Variants in FAM184A observed in about 807,000 individuals in gnomAD.
FAM184A encodes the protein protein FAM184A.
In FAM184A, 99 loss-of-function variants were observed where a neutral mutation model predicts 143.8. That is an observed-to-expected ratio of 0.69 (90% CI 0.58 to 0.81). The LOEUF (loss-of-function observed/expected upper bound fraction) is 0.81, where lower values mean the gene tolerates loss of function less well. Among genes scored for constraint, FAM184A ranks in the 40% least tolerant of loss-of-function variants. The probability of loss-of-function intolerance (pLI) is 0.00; values close to 1 mark genes in which losing one functional copy is unlikely to be tolerated. For synonymous variants in FAM184A, 427 were observed against 446.4 expected (o/e 0.96, Z 0.55); for missense variants, 1,217 against 1,310.5 (o/e 0.93, Z 1.10).
chr6:119,050,782 G>A lies in FAM184A; in HGVS notation c.160-25969C>T, dbSNP rs1187002781. Among the ~76,000 whole-genome samples the A allele has an allele frequency of 5.0e-4, 76 of 151,682 alleles. 1 individual carries two copies. Among genetic ancestry groups the A allele is most frequent in the African/African-American group, 1.7e-3 (69 of 41,350 alleles). On this transcript the variant is annotated intron_variant, in intron 1 of 17. Coordinates refer to ENST00000338891, the MANE Select transcript of FAM184A (RefSeq NM_024581.6). ...ATTGCGCCACTGCAGTCCGCAGTCC[G>A]GCCTGGGCGACAGAGCGAGACTCCG...
At chr6:119,037,043 T>A (rs1217451418) in intron 1 of FAM184A, among the ~76,000 whole-genome samples, 1 of 152,212 alleles carries the variant, frequency 6.6e-6, no homozygotes, top group Non-Finnish European at 1.5e-5. Context: ...ACTGAGAGAA[T>A]GAGTGCCATG....
intron 1 of FAM184A, among the ~76,000 whole-genome samples, chr6:119,122,354 C>T (rs1247869967): frequency 2.6e-5 from 4 of 152,140 alleles, no homozygotes; most frequent in African/African-American, 9.7e-5. Flanking sequence ...AAAAAAAATA[C>T]AATTTATCAA....
rs111557824 is a variant in FAM184A at position 119,016,994 on chromosome 6, G to A, written c.1333-50C>T. 2.7e-5 allele frequency: 34 copies of A among 1,274,406 alleles called. 2 individuals are homozygous for A. The highest frequency in any genetic ancestry group is 2.4e-4 in the African/African-American group (16 of 67,250). 78.9% of individuals were successfully genotyped at this position (1,274,406 alleles called of 1,614,324 possible). On this transcript the variant is annotated intron_variant, in intron 4 of 17. Coordinates refer to ENST00000338891, the MANE Select transcript of FAM184A (RefSeq NM_024581.6). ...ATCGGCACCTGCTTTTTTCATTACT[G>A]TTATTAGGGTAATTTGAATACCCTA...
At chr6:119,026,514 C>T (rs1401969979) in intron 1 of FAM184A, among the ~76,000 whole-genome samples, 5 of 152,124 alleles carry the variant, frequency 3.3e-5, no homozygotes, top group Non-Finnish European at 5.9e-5. Flanking sequence ...ACGGACCCTC[C>T]TCTTAGCCAA....
At chr6:119,132,947 G>A (rs1789573650) in intron 1 of FAM184A, among the ~76,000 whole-genome samples, 1 of 152,230 alleles carries the variant, frequency 6.6e-6, no homozygotes, top group Non-Finnish European at 1.5e-5. Context: ...AATATCAGGG[G>A]ACAAAGAGTG....
At chr6:119,104,115 C>T (rs1788716342) in intron 1 of FAM184A, among the ~76,000 whole-genome samples, 1 of 152,002 alleles carries the variant, frequency 6.6e-6, no homozygotes, top group African/African-American at 2.4e-5. Context: ...GGGCTCACTG[C>T]AGCCTCAACC....
chr6:119,108,404 A>G (rs1788844444), intron 1 of FAM184A, among the ~76,000 whole-genome samples: 2 of 152,106 alleles, frequency 1.3e-5, no homozygotes, highest in South Asian at 4.2e-4. Context: ...TCCAGGCTCT[A>G]TTGAGGTCCT....
rs142077007 is a variant in FAM184A at position 119,115,315 on chromosome 6, C to T, written c.-202+33763G>A. Among the ~76,000 whole-genome samples the T allele has an allele frequency of 1.4e-4, 22 of 152,200 alleles. No individual in the cohort carries two copies. In the East Asian group the frequency reaches 2.9e-3, roughly 20 times the overall value. On this transcript the variant is annotated intron_variant, in intron 1 of 16. Transcript: ENST00000352896. The stretch of plus-strand genomic sequence containing the variant: ...AGAGGAAAGGGAAATAAATAAGATA[C>T]GGCTCATATGCCTAATAATTCTGTT...
At chr6:118,967,009 T>C in intron 14 of FAM184A, 57 bp from the exon 15 acceptor site, 1 of 793,354 alleles carries the variant, frequency 1.3e-6, no homozygotes, top group South Asian at 1.8e-5. Context: ...TCTTCTGTAA[T>C]ACCTACATTA....
intron 1 of FAM184A, among the ~76,000 whole-genome samples, chr6:119,113,172 AC>A (rs1391261023): frequency 6.6e-6 from 1 of 151,864 alleles, no homozygotes; most frequent in African/African-American, 2.4e-5. Context: ...TTTCCTGATC[AC>A]CATTATCAGA....
At chr6:119,032,732 A>G (rs1434873051) in intron 1 of FAM184A, among the ~76,000 whole-genome samples, 3 of 152,216 alleles carry the variant, frequency 2.0e-5, no homozygotes, top group Admixed American at 1.3e-4. Context: ...TAACCACTAC[A>G]TGAGGCAAAA....
chr6:119,037,736 G>A (rs146700083), intron 1 of FAM184A, among the ~76,000 whole-genome samples: 56 of 152,206 alleles, frequency 3.7e-4, no homozygotes, highest in African/African-American at 1.3e-3. Flanking sequence ...TTCTTTTTGC[G>A]TTTTATACTA....
intron 1 of FAM184A, among the ~76,000 whole-genome samples, chr6:119,030,970 G>A (rs1352140820): frequency 1.3e-5 from 2 of 151,998 alleles, no homozygotes; most frequent in East Asian, 1.9e-4. Context: ...ATTTAACTAC[G>A]TATTTAATGA....
chr6:118,979,749 A>T (rs1455934301), intron 10 of FAM184A, among the ~76,000 whole-genome samples: 4 of 152,158 alleles, frequency 2.6e-5, no homozygotes, highest in Admixed American at 2.6e-4. Context: ...TATTTTGTCT[A>T]TATATTGAAC....
At chr6:119,074,751 G>A (rs1383961907) in intron 1 of FAM184A, among the ~76,000 whole-genome samples, 1 of 152,228 alleles carries the variant, frequency 6.6e-6, no homozygotes, top group East Asian at 1.9e-4. Context: ...CCTATCTTGA[G>A]ATAGTTCAGC....
chr6:119,071,639 A>G (rs902239764), intron 1 of FAM184A, among the ~76,000 whole-genome samples: 2 of 152,158 alleles, frequency 1.3e-5, no homozygotes, highest in African/African-American at 4.8e-5. Flanking sequence ...ACATGGAAAA[A>G]CAATAACTCT....
At position 119,109,571 on chromosome 6, in the gene FAM184A, C is replaced by G. The variant is rs1788876743; in HGVS notation, c.-202+39507G>C. On this transcript the variant is annotated intron_variant, in intron 1 of 16. Coordinates refer to the FAM184A transcript ENST00000352896. ...ATGTATACAGAGCACCAAATGTTCTCACTAAAAAGATATGGATGAGGACAG... is the reference window on the plus strand; with the variant it reads ...ATGTATACAGAGCACCAAATGTTCTGACTAAAAAGATATGGATGAGGACAG... 3.3e-5 allele frequency among the ~76,000 whole-genome samples: 5 copies of G among 152,194 alleles called. No individual in the cohort carries two copies. The South Asian group carries it at 1.0e-3, about 32-fold the overall frequency.
intron 1 of FAM184A, among the ~76,000 whole-genome samples, chr6:119,075,840 T>C (rs555071108): frequency 6.6e-6 from 1 of 152,316 alleles, no homozygotes; most frequent in African/African-American, 2.4e-5. Context: ...AATAAGTGTA[T>C]ATGACTATAA....
chr6:119,142,248 A>G (rs1772269757), intron 1 of FAM184A, among the ~76,000 whole-genome samples: 1 of 152,164 alleles, frequency 6.6e-6, no homozygotes, highest in Non-Finnish European at 1.5e-5. Context: ...GGATGTGGTG[A>G]CTACTGAGTC....
Sources: allele counts gnomAD v4.1 joint callset (sites outside exome capture counted in the v4.1 genomes callset), GRCh38; gene constraint gnomAD v4.1.1; transcripts MANE v1.5; gene names NCBI Gene and HGNC (gene_info 2026-07-23, HGNC 2026-07-21).